The following PDE4D variants were observed in gnomAD, a reference collection of about 807,000 sequenced individuals.
PDE4D encodes phosphodiesterase 4D.
PDE4D carries 24 observed loss-of-function variants against 87.4 expected under a neutral mutation model. That is an observed-to-expected ratio of 0.27 (90% CI 0.20 to 0.39). PDE4D has a LOEUF of 0.39. Ranked by LOEUF, PDE4D falls within the 10% of genes least tolerant of loss-of-function variation. The pLI, the probability that PDE4D is intolerant of heterozygous loss-of-function variation, is 1.00. For synonymous variants in PDE4D, 384 were observed against 383.2 expected (o/e 1.00, Z -0.02); for missense variants, 714 against 1,041.0 (o/e 0.69, Z 4.32).
intron 1 of PDE4D, among the ~76,000 whole-genome samples, chr5:60,344,776 C>G (rs950528848): frequency 2.6e-5 from 4 of 152,094 alleles, no homozygotes; most frequent in Admixed American, 6.6e-5. Flanking sequence ...AAACACTCAT[C>G]TATATAGTCT....
At chr5:60,261,985 G>A (rs1345557450) in intron 1 of PDE4D, among the ~76,000 whole-genome samples, 2 of 152,042 alleles carry the variant, frequency 1.3e-5, no homozygotes, top group Non-Finnish European at 2.9e-5. Flanking sequence ...ATTTCAGTTT[G>A]TGTAATACTT....
intron 2 of PDE4D, among the ~76,000 whole-genome samples, chr5:59,198,358 C>T (rs966438142): frequency 6.6e-6 from 1 of 152,130 alleles, no homozygotes; most frequent in Non-Finnish European, 1.5e-5. Flanking sequence ...TATGTATGCA[C>T]ATATGTATGT....
intron 2 of PDE4D, among the ~76,000 whole-genome samples, chr5:60,177,646 T>G (rs1784036293): frequency 1.3e-5 from 2 of 152,308 alleles, no homozygotes. Flanking sequence ...ATTCTTTGAC[T>G]GCAAAGTTCA....
chr5:59,575,801 C>T (rs147046116), intron 1 of PDE4D, among the ~76,000 whole-genome samples: 85 of 152,144 alleles, frequency 5.6e-4, no homozygotes, highest in Admixed American at 1.5e-3. Flanking sequence ...TGAAGCAGGG[C>T]CTGAGTAAGA....
intron 1 of PDE4D, among the ~76,000 whole-genome samples, chr5:59,451,760 T>C (rs1799194101): frequency 6.6e-6 from 1 of 152,166 alleles, no homozygotes; most frequent in South Asian, 2.1e-4. Flanking sequence ...TCTAAATGGT[T>C]CCCTGCTTGC....
chr5:59,642,420 T>C (rs1741740701), intron 1 of PDE4D, among the ~76,000 whole-genome samples: 1 of 152,236 alleles, frequency 6.6e-6, no homozygotes, highest in Non-Finnish European at 1.5e-5. Flanking sequence ...AAATCTCATC[T>C]TGAATTATAC....
chr5:59,886,965 A>G (rs894584781), intron 1 of PDE4D, among the ~76,000 whole-genome samples: 3 of 152,030 alleles, frequency 2.0e-5, no homozygotes, highest in African/African-American at 4.8e-5. Flanking sequence ...GGTTGGAGCT[A>G]GAGATCACTT....
chr5:59,125,707 T>C (rs765532477), intron 5 of PDE4D, among the ~76,000 whole-genome samples: 1 of 152,014 alleles, frequency 6.6e-6, no homozygotes, highest in Non-Finnish European at 1.5e-5. Context: ...ATTCGAATCA[T>C]AGACAGGGAG....
At chr5:60,209,187 CTTTTTT>C in intron 1 of PDE4D, among the ~76,000 whole-genome samples, 1 of 108,496 alleles carries the variant, frequency 9.2e-6, no homozygotes, top group Non-Finnish European at 1.8e-5. Context: ...TTCTTTTTTT[CTTTTTT>C]TTTTTTTTTT....
In PDE4D at chr5:60,049,112, C is replaced by A. The variant is rs1232340153; in HGVS notation, c.43-60395G>T. On this transcript the variant is annotated intron_variant, in intron 2 of 16. Coordinates refer to the PDE4D transcript ENST00000502484. ...ACTTCCCTTCTCACTTCATTTCATTCATTTCATCTTCCATCGCTGATACCT... is the reference window on the plus strand; with the variant it reads ...ACTTCCCTTCTCACTTCATTTCATTAATTTCATCTTCCATCGCTGATACCT... 3.9e-5 allele frequency among the ~76,000 whole-genome samples: 6 copies of A among 152,070 alleles called. No homozygotes were observed. In the East Asian group the frequency reaches 9.6e-4, roughly 24 times the overall value.
intron 1 of PDE4D, among the ~76,000 whole-genome samples, chr5:59,819,037 A>G (rs1274519112): frequency 6.6e-6 from 1 of 152,198 alleles, no homozygotes; most frequent in African/African-American, 2.4e-5. Context: ...ATGGGCTGAC[A>G]TTGTCTACTT....
At chr5:59,035,757 C>T (rs1037953436) in intron 6 of PDE4D, among the ~76,000 whole-genome samples, 4 of 152,178 alleles carry the variant, frequency 2.6e-5, no homozygotes, top group Non-Finnish European at 5.9e-5. Context: ...TCCAGGTTTG[C>T]CTGCCTCCAA....
At position 59,394,208 on chromosome 5, in the gene PDE4D, T is replaced by C. The variant is rs917170946; in HGVS notation, c.456-178240A>G. ...GGAATTGAGGCTGTGTTCTGTCTCATCGGCAAGCCTGCAGCCTTAGAAGAA... is the reference window on the plus strand; with the variant it reads ...GGAATTGAGGCTGTGTTCTGTCTCACCGGCAAGCCTGCAGCCTTAGAAGAA... On this transcript the variant is annotated intron_variant, in intron 1 of 14. Coordinates refer to ENST00000340635, the MANE Select transcript of PDE4D (RefSeq NM_001104631.2). 3.9e-5 allele frequency among the ~76,000 whole-genome samples: 6 copies of C among 152,192 alleles called. 1 individual carries two copies. The highest frequency in any genetic ancestry group is 3.3e-4 in the Admixed American group (5 of 15,276).
At chr5:59,988,052 T>C (rs1762618344) in intron 3 of PDE4D, 1 of 154,694 alleles carries the variant, frequency 6.5e-6, no homozygotes, top group Non-Finnish European at 1.4e-5. Flanking sequence ...TACCATTGCA[T>C]ATTTCTTTTG....
chr5:60,008,025 G>A (rs971806606), intron 2 of PDE4D, among the ~76,000 whole-genome samples: 3 of 150,908 alleles, frequency 2.0e-5, no homozygotes, highest in Admixed American at 1.3e-4. Flanking sequence ...AACAAAAGAT[G>A]AATAAAATAG....
At chr5:59,115,932 C>T (rs1773529966) in intron 5 of PDE4D, among the ~76,000 whole-genome samples, 1 of 152,108 alleles carries the variant, frequency 6.6e-6, no homozygotes, top group South Asian at 2.1e-4. Context: ...AATAACTTTG[C>T]AATGATTTTG....
chr5:60,058,263 C>T (rs1234247995), intron 2 of PDE4D, among the ~76,000 whole-genome samples: 2 of 151,914 alleles, frequency 1.3e-5, no homozygotes. Context: ...GTGTGCTAAA[C>T]TTTGAGCCTT....
At chr5:60,335,183 G>C (rs1165251494) in intron 1 of PDE4D, 1 of 152,230 alleles carries the variant, frequency 6.6e-6, no homozygotes, top group East Asian at 1.9e-4. Flanking sequence ...GGACAGATTT[G>C]AACCACTAAT....
intron 1 of PDE4D, among the ~76,000 whole-genome samples, chr5:59,393,744 T>A (rs378970): frequency 0.42 from 63,838 of 152,020 alleles, 13,705 homozygotes; most frequent in East Asian, 0.49. Context: ...TATTTTTGGT[T>A]CAGACACCAT....
Sources: gnomAD v4.1 joint callset for allele counts (sites outside exome capture counted in the v4.1 genomes callset) on GRCh38, gnomAD v4.1.1 for gene constraint, MANE v1.5 for transcripts, NCBI Gene and HGNC (gene_info 2026-07-23, HGNC 2026-07-21) for gene names.